SMIM36: variants seen among roughly 807,000 people sequenced by gnomAD.
SMIM36 encodes the protein small integral membrane protein 36.
chr17:55,513,585 C>A (rs1354715847), upstream of SMIM36, among the ~76,000 whole-genome samples: 1 of 152,172 alleles, frequency 6.6e-6, no homozygotes, highest in East Asian at 1.9e-4. Context: ...GTACCAGATG[C>A]CTACTTTCTT....
At chr17:55,489,976 G>A (rs2144707687) in intron 1 of SMIM36, among the ~76,000 whole-genome samples, 1 of 152,076 alleles carries the variant, frequency 6.6e-6, no homozygotes. Flanking sequence ...AGCCTCCTGA[G>A]TGGCTGTGAC....
chr17:55,471,420 C>T (rs1909340097), intron 3 of SMIM36, among the ~76,000 whole-genome samples: 1 of 152,118 alleles, frequency 6.6e-6, no homozygotes, highest in African/African-American at 2.4e-5. Flanking sequence ...ATTTCTTCCC[C>T]TAGCGTTACC....
chr17:55,453,722 G>A (rs749199524), intron 4 of SMIM36, among the ~76,000 whole-genome samples: 7 of 152,100 alleles, frequency 4.6e-5, no homozygotes, highest in Admixed American at 1.3e-4. Flanking sequence ...CTGCAGGTAG[G>A]AATACACCAC....
At chr17:55,501,176 TTATAATATATAATATATCTTA>T in intron 1 of SMIM36, among the ~76,000 whole-genome samples, 4 of 94,024 alleles carry the variant, frequency 4.3e-5, no homozygotes, top group Admixed American at 1.8e-4. Context: ...ATCTTATATA[TTATAATATATAATATATCTTA>T]TATATTATAA....
chr17:55,530,547 G>T, the SMIM36 span, among the ~76,000 whole-genome samples: 1 of 152,200 alleles, frequency 6.6e-6, no homozygotes, highest in African/African-American at 2.4e-5. Context: ...CACTTTGGGA[G>T]GCCAAGGCAG....
At chr17:55,511,131 A>G in exon 1 of SMIM36, 1 of 398,600 alleles carries the variant, frequency 2.5e-6, no homozygotes, top group Non-Finnish European at 4.4e-6. Flanking sequence ...AGTGGGGCCC[A>G]GCGACACTTG....
At chr17:55,474,181 T>A (rs1037735626) in intron 3 of SMIM36, among the ~76,000 whole-genome samples, 8 of 152,208 alleles carry the variant, frequency 5.3e-5, no homozygotes, top group Non-Finnish European at 1.0e-4. Flanking sequence ...ATAAAGCCCT[T>A]CCTTCTTTAA....
the SMIM36 span, among the ~76,000 whole-genome samples, chr17:55,517,560 TACA>T: frequency 2.6e-5 from 4 of 152,018 alleles, no homozygotes; most frequent in East Asian, 1.9e-4. Flanking sequence ...GAGACTCTGT[TACA>T]ACAACAACAA....
intron 1 of SMIM36, among the ~76,000 whole-genome samples, chr17:55,482,708 A>G (rs2143278729): frequency 6.6e-6 from 1 of 152,324 alleles, no homozygotes; most frequent in East Asian, 1.9e-4. Context: ...TATCCTTTGC[A>G]TTTGTCATTG....
chr17:55,519,703 A>G, the SMIM36 span, among the ~76,000 whole-genome samples: 1 of 152,210 alleles, frequency 6.6e-6, no homozygotes, highest in Non-Finnish European at 1.5e-5. Flanking sequence ...TTGGTAAGAC[A>G]ATGGTGGTCA....
chr17:55,499,218 A>T (rs1909866905), intron 1 of SMIM36, among the ~76,000 whole-genome samples: 1 of 152,106 alleles, frequency 6.6e-6, no homozygotes, highest in South Asian at 2.1e-4. Context: ...AGAGGAGAAA[A>T]TCTGAAAGTC....
chr17:55,502,146 G>A (rs1201869314), intron 1 of SMIM36, among the ~76,000 whole-genome samples: 1 of 150,100 alleles, frequency 6.7e-6, no homozygotes, highest in African/African-American at 2.4e-5. Context: ...GAGGCTGGGG[G>A]AGGGGCGCCC....
intron 4 of SMIM36, among the ~76,000 whole-genome samples, chr17:55,460,406 C>G (rs543869430): frequency 6.9e-6 from 1 of 144,420 alleles, no homozygotes; most frequent in South Asian, 2.2e-4. Context: ...CCAGCCTGGG[C>G]GACAAGAGTG....
At chr17:55,484,128 G>GA (rs778001967) in intron 1 of SMIM36, among the ~76,000 whole-genome samples, 6 of 151,520 alleles carry the variant, frequency 4.0e-5, no homozygotes, top group Admixed American at 2.6e-4. Context: ...TTTTTAAACA[G>GA]AAAAAAATCA....
chr17:55,500,558 G>C (rs1294770870), intron 1 of SMIM36, among the ~76,000 whole-genome samples: 2 of 151,218 alleles, frequency 1.3e-5, no homozygotes, highest in Non-Finnish European at 2.9e-5. Context: ...ATGAACCAGA[G>C]GCTTGGAATA....
At chr17:55,500,491 T>C (rs1909888895) in intron 1 of SMIM36, among the ~76,000 whole-genome samples, 1 of 151,868 alleles carries the variant, frequency 6.6e-6, no homozygotes, top group Non-Finnish European at 1.5e-5. Flanking sequence ...AAGATTGTTT[T>C]AAAGACTGAG....
the SMIM36 span, among the ~76,000 whole-genome samples, chr17:55,517,191 T>C: frequency 2.0e-5 from 3 of 152,206 alleles, no homozygotes; most frequent in East Asian, 5.8e-4. Context: ...ATTGAAGGTA[T>C]ACTAAGATGG....
the SMIM36 span, among the ~76,000 whole-genome samples, chr17:55,526,313 ATTTATTT>A: frequency 6.6e-6 from 1 of 151,316 alleles, no homozygotes; most frequent in Non-Finnish European, 1.5e-5. Flanking sequence ...CTGGTTATTT[ATTTATTT>A]TTTATTTTTT....
chr17:55,458,821 G>A (rs1332762238), intron 4 of SMIM36, among the ~76,000 whole-genome samples: 7 of 152,084 alleles, frequency 4.6e-5, no homozygotes, highest in Non-Finnish European at 8.8e-5. Flanking sequence ...TGGATCCTCC[G>A]TCCGCTGAGA....
Sources: gnomAD v4.1 joint callset for allele counts (sites outside exome capture counted in the v4.1 genomes callset) on GRCh38, gnomAD v4.1.1 for gene constraint, MANE v1.5 for transcripts, NCBI Gene and HGNC (gene_info 2026-07-23, HGNC 2026-07-21) for gene names.